The following ZNF362 variants were observed in gnomAD, a reference collection of about 807,000 sequenced individuals.
ZNF362 encodes rotund homolog.
A neutral mutation model predicts 42.9 loss-of-function variants in ZNF362; 11 were observed. The ratio of observed to expected loss-of-function variants is 0.26; its 90% confidence interval spans 0.16 to 0.42. ZNF362 has a LOEUF of 0.42. ZNF362 is among the 20% of genes least tolerant of loss of function. The pLI is 1.00. For synonymous variants in ZNF362, 255 were observed against 257.3 expected (o/e 0.99, Z 0.09); for missense variants, 362 against 576.2 (o/e 0.63, Z 3.81).
At chr1:33,262,294 ATTCTTTTTTT>A (rs1376264421) in intron 1 of ZNF362, among the ~76,000 whole-genome samples, 1 of 93,020 alleles carries the variant, frequency 1.1e-5, no homozygotes, top group African/African-American at 4.2e-5. Flanking sequence ...AGGCTTTAGG[ATTCTTTTTTT>A]TTTTTTTTTT....
At chr1:33,222,991 G>A in the ZNF362 span, among the ~76,000 whole-genome samples, 1 of 152,164 alleles carries the variant, frequency 6.6e-6, no homozygotes, top group African/African-American at 2.4e-5. Context: ...GGTGGCTCAT[G>A]TCTGTAATCC....
intron 1 of ZNF362, among the ~76,000 whole-genome samples, chr1:33,267,962 C>G (rs1645875842): frequency 6.6e-6 from 1 of 152,240 alleles, no homozygotes; most frequent in Admixed American, 6.5e-5. Flanking sequence ...ACAGTTTACA[C>G]TCCCACCAAT....
At chr1:33,190,212 C>A in the ZNF362 span, among the ~76,000 whole-genome samples, 1 of 152,250 alleles carries the variant, frequency 6.6e-6, no homozygotes, top group South Asian at 2.1e-4. Flanking sequence ...TATTGGGCAG[C>A]AATACCCTTG....
At chr1:33,288,180 G>C (rs1014203243) in intron 6 of ZNF362, among the ~76,000 whole-genome samples, 3 of 152,154 alleles carry the variant, frequency 2.0e-5, no homozygotes, top group African/African-American at 7.2e-5. Context: ...GGCTGAGGGA[G>C]GCAGAGTCAC....
chr1:33,147,480 C>G, the ZNF362 span: 1 of 1,612,978 alleles, frequency 6.2e-7, no homozygotes, highest in Non-Finnish European at 8.5e-7. This position sits in a 1 kb window ranked among gnomAD's most constrained non-coding sequence, Gnocchi z 8.1. Context: ...GGATGCTGCC[C>G]TTGCGGCTTG....
the ZNF362 span, among the ~76,000 whole-genome samples, chr1:33,232,101 G>A: frequency 6.6e-6 from 1 of 152,040 alleles, no homozygotes; most frequent in Non-Finnish European, 1.5e-5. Context: ...CAGTATTGGG[G>A]CATGAGTCAC....
chr1:33,227,335 C>T, the ZNF362 span, among the ~76,000 whole-genome samples: 1 of 152,118 alleles, frequency 6.6e-6, no homozygotes, highest in African/African-American at 2.4e-5. Flanking sequence ...GTGGAAGTGA[C>T]CCTCTGTGAC....
chr1:33,229,086 T>A, the ZNF362 span, among the ~76,000 whole-genome samples: 1 of 152,058 alleles, frequency 6.6e-6, no homozygotes, highest in Non-Finnish European at 1.5e-5. Context: ...TCTGTTCAAA[T>A]GTTTCTAAGG....
At chr1:33,279,646 C>CTTTTTT (rs567406398) in intron 4 of ZNF362, among the ~76,000 whole-genome samples, 1 of 147,344 alleles carries the variant, frequency 6.8e-6, no homozygotes, top group Non-Finnish European at 1.5e-5. Flanking sequence ...AGTTAAGCCT[C>CTTTTTT]TTTTTTTTTT....
chr1:33,216,753 AAG>A, the ZNF362 span, among the ~76,000 whole-genome samples: 1 of 151,960 alleles, frequency 6.6e-6, no homozygotes, highest in Non-Finnish European at 1.5e-5. Context: ...AATAAATAGA[AAG>A]AGTTGCATGA....
the ZNF362 span, among the ~76,000 whole-genome samples, chr1:33,196,648 C>T: frequency 6.6e-6 from 1 of 152,062 alleles, no homozygotes; most frequent in East Asian, 1.9e-4. Context: ...AAGGAGTACA[C>T]TTTAAAATAA....
intron 6 of ZNF362, among the ~76,000 whole-genome samples, chr1:33,283,235 G>T (rs745491780): frequency 2.6e-5 from 4 of 152,066 alleles, no homozygotes; most frequent in African/African-American, 4.8e-5. Context: ...TTCCCAAGTA[G>T]CTGGGATTAC....
At chr1:33,218,661 T>C in the ZNF362 span, among the ~76,000 whole-genome samples, 1 of 152,342 alleles carries the variant, frequency 6.6e-6, no homozygotes, top group Non-Finnish European at 1.5e-5. Flanking sequence ...TGTTTTCTTT[T>C]GTGAAATGGC....
chr1:33,179,617 G>A, the ZNF362 span, among the ~76,000 whole-genome samples: 1 of 151,958 alleles, frequency 6.6e-6, no homozygotes, highest in Non-Finnish European at 1.5e-5. Flanking sequence ...TCATTCTTTC[G>A]TTCATTCATT....
At chr1:33,267,770 T>A (rs575657712) in intron 1 of ZNF362, among the ~76,000 whole-genome samples, 60 of 152,298 alleles carry the variant, frequency 3.9e-4, no homozygotes, top group African/African-American at 1.3e-3. Context: ...TGTTTAAAAT[T>A]TCGGCTGTTC....
the ZNF362 span, among the ~76,000 whole-genome samples, chr1:33,134,251 A>G: frequency 6.6e-6 from 1 of 152,232 alleles, no homozygotes; most frequent in Admixed American, 6.5e-5. Context: ...TGATCCTCAC[A>G]GCAACCCAGC....
At chr1:33,236,322 T>C in the ZNF362 span, among the ~76,000 whole-genome samples, 2 of 150,924 alleles carry the variant, frequency 1.3e-5, no homozygotes, top group Non-Finnish European at 2.9e-5. Flanking sequence ...GGAAGATCGG[T>C]TGAGGCCAGG....
chr1:33,159,799 C>T, the ZNF362 span: 11 of 1,613,876 alleles, frequency 6.8e-6, no homozygotes, highest in East Asian at 2.2e-5. The surrounding 1 kb of genome is among the most constrained non-coding windows in gnomAD (Gnocchi z 4.2). Flanking sequence ...CTGGCTGTAG[C>T]GCTGGACTTT....
chr1:33,197,894 T>A, the ZNF362 span, among the ~76,000 whole-genome samples: 1 of 152,126 alleles, frequency 6.6e-6, no homozygotes. Context: ...GGAATAGTGA[T>A]CTTCCCACCG....
Sources: allele counts gnomAD v4.1 joint callset (sites outside exome capture counted in the v4.1 genomes callset), GRCh38; gene constraint gnomAD v4.1.1; non-coding constraint Gnocchi (gnomAD v3.1); transcripts MANE v1.5; gene names NCBI Gene and HGNC (gene_info 2026-07-23, HGNC 2026-07-21).